The following SCN3A variants were observed in gnomAD, a reference collection of about 807,000 sequenced individuals.
The protein encoded by SCN3A is sodium voltage-gated channel alpha subunit 3.
SCN3A carries 60 observed loss-of-function variants against 187.6 expected under a neutral mutation model. The observed-to-expected ratio is 0.32, with a 90% CI of 0.26 to 0.40. The LOEUF is 0.40. Among genes scored for constraint, SCN3A ranks in the 10% least tolerant of loss-of-function variants. The pLI, the probability that SCN3A is intolerant of heterozygous loss-of-function variation, is 1.00. For missense variants in SCN3A, 1,601 were observed against 2,428.2 expected, an observed-to-expected ratio of 0.66 and a Z score of 7.16; for synonymous variants, 788 against 829.2, an observed-to-expected ratio of 0.95 and a Z score of 0.85.
rs1480672648 is a variant in SCN3A at position 165,097,165 on chromosome 2, TA to T, written c.4239+86del. 3.4e-6 allele frequency: 5 copies of T among 1,478,398 alleles called. No homozygotes were observed. In the African/African-American group the frequency reaches 7.0e-5, roughly 21 times the overall value. 91.6% of individuals were successfully genotyped at this position (1,478,398 alleles called of 1,614,324 possible). A position where few individuals can be genotyped will look rare whatever the true frequency, so the allele number is the denominator to read the frequency against. On this transcript the variant is annotated intron_variant, in intron 23 of 27. Coordinates refer to ENST00000283254, the MANE Select transcript of SCN3A (RefSeq NM_006922.4). Reference sequence around the variant, plus strand: ...AACTTTTTTTCATGCTGTCAAATGTTAGTCATTCAAACGAAGAACATCAGGG... The same window carrying T: ...AACTTTTTTTCATGCTGTCAAATGTTGTCATTCAAACGAAGAACATCAGGG...
intron 1 of SCN3A, among the ~76,000 whole-genome samples, chr2:165,202,347 G>A (rs1574372075): frequency 6.6e-6 from 1 of 152,050 alleles, no homozygotes; most frequent in African/African-American, 2.4e-5. Context: ...ATTCATAAAT[G>A]TAAACCAGTT....
rs143680671 is a variant in SCN3A, at chr2:165,164,936, A to G, written c.474-416T>C. 4.3e-3 allele frequency among the ~76,000 whole-genome samples: 656 copies of G among 152,262 alleles called. 1 individual carries two copies. The highest frequency in any genetic ancestry group is 8.9e-3 in the Admixed American group (136 of 15,282). ...TATACTGCATTTTATTTAAACCAAT[A>G]TATCTAAAATATGAAAATTCAACAA... On this transcript the variant is annotated intron_variant, in intron 5 of 27. Transcript: ENST00000283254.
intron 15 of SCN3A, among the ~76,000 whole-genome samples, chr2:165,137,354 A>G (rs769170899): frequency 1.3e-5 from 2 of 152,198 alleles, no homozygotes; most frequent in Non-Finnish European, 2.9e-5. Flanking sequence ...ACACAGATGA[A>G]TGCTCAGTAA....
chr2:165,168,619 A>G, intron 5 of SCN3A, 117 bp downstream of exon 5: 1 of 786,312 alleles, frequency 1.3e-6, no homozygotes, highest in Non-Finnish European at 2.3e-6. Flanking sequence ...CTTTCATATT[A>G]TGAAAATAAC....
Position 165,140,084 on chromosome 2 carries a change from C to T in SCN3A, c.2020-476G>A, listed in dbSNP as rs1461871406. ...TATGTGGGCCAATTTTTTCCATGCA[C>T]AAACACAGATGTACGATGAAATGTG... On this transcript the variant is annotated intron_variant, in intron 13 of 27. Coordinates refer to ENST00000283254, the MANE Select transcript of SCN3A (RefSeq NM_006922.4). This position sits in a 1 kb window ranked among gnomAD's most constrained non-coding sequence, Gnocchi z 4.2. Among the ~76,000 whole-genome samples, 1 of 152,060 alleles carries T rather than the reference C, an allele frequency of 6.6e-6. No individual in the cohort carries two copies. Among genetic ancestry groups the T allele is most frequent in the East Asian group, 1.9e-4 (1 of 5,192 alleles).
chr2:165,094,272 A>T lies in SCN3A; in HGVS notation c.4536+102T>A. ...ATATGAACTTTATAATTAGGGCTCA[A>T]TATTGGTGATATCACCTAATATGTT... is the stretch of plus-strand genomic sequence containing the variant. On this transcript the variant is annotated intron_variant, in intron 26 of 27. Transcript: ENST00000283254. 3.5e-6 allele frequency: 3 copies of T among 862,392 alleles called. No homozygotes were observed. In the South Asian group the frequency reaches 4.0e-5, roughly 12 times the overall value. The allele number at this position is 862,392 out of a possible 1,614,324, so 53.4% of individuals were successfully genotyped here.
rs1485299077 is a variant in SCN3A, at chr2:165,130,050, G to A, written c.2812C>T (p.Arg938Cys). 2 of 1,613,940 alleles carry A rather than the reference G, an allele frequency of 1.2e-6. No homozygotes were observed. Among genetic ancestry groups the A allele is most frequent in the African/African-American group, 1.3e-5 (1 of 74,870 alleles). Residue 938 changes from arginine to cysteine, a missense_variant, in exon 17 of 28, where the codon CGC becomes TGC. By Grantham distance (180) the Arg-to-Cys change is radical (BLOSUM62 -3). This residue lies in a region of SCN3A where 91 missense variants were observed against 207.0 expected (regional missense o/e 0.44). Transcript: ENST00000283254. ...TCTATCCACTCTCCACACAGCACGC[G>A]GAACACAATCAGGAAGGAGTGGAAG... ...DFFHSFLIVF[R>C]VLCGEWIETM...
At chr2:165,142,788 T>C (rs1185716812) in intron 12 of SCN3A, among the ~76,000 whole-genome samples, 1 of 151,758 alleles carries the variant, frequency 6.6e-6, no homozygotes, top group East Asian at 1.9e-4. Flanking sequence ...TTTCGCTCTG[T>C]CGCCCAGGCT....
chr2:165,107,361 G>A (rs1363945007), intron 21 of SCN3A, among the ~76,000 whole-genome samples: 1 of 151,944 alleles, frequency 6.6e-6, no homozygotes, highest in African/African-American at 2.4e-5. Context: ...CCAAGAAATG[G>A]ACAAAATGAA....
intron 1 of SCN3A, among the ~76,000 whole-genome samples, chr2:165,193,230 T>G (rs1691724057): frequency 6.6e-6 from 1 of 152,104 alleles, no homozygotes; most frequent in South Asian, 2.1e-4. Flanking sequence ...TTCTGAGATG[T>G]TCTACATGGG....
intron 6 of SCN3A, 89 bp downstream of exon 6, chr2:165,164,303 C>G: frequency 6.5e-7 from 1 of 1,537,276 alleles, no homozygotes; most frequent in Non-Finnish European, 9.0e-7. Context: ...AACAAGAAAG[C>G]TCTACATTTA....
intron 11 of SCN3A, among the ~76,000 whole-genome samples, chr2:165,151,690 G>T (rs985245473): frequency 6.6e-6 from 1 of 152,122 alleles, no homozygotes; most frequent in African/African-American, 2.4e-5. Flanking sequence ...AAATCAGGGT[G>T]GTTGTATAGT....
intron 1 of SCN3A, among the ~76,000 whole-genome samples, chr2:165,196,657 T>C (rs955147865): frequency 6.6e-6 from 1 of 152,142 alleles, no homozygotes; most frequent in African/African-American, 2.4e-5. Context: ...AGAAATGCAA[T>C]TAATTATTAA....
At chr2:165,120,417 T>C (rs1321670228) in intron 18 of SCN3A, among the ~76,000 whole-genome samples, 3 of 151,862 alleles carry the variant, frequency 2.0e-5, no homozygotes, top group African/African-American at 7.3e-5. Context: ...AATTAAATAA[T>C]GAAATTTAAC....
intron 10 of SCN3A, 149 bp from the exon 11 acceptor site, chr2:165,154,807 C>T (rs182617061): frequency 3.0e-4 from 219 of 721,824 alleles, no homozygotes; most frequent in East Asian, 2.1e-3. Flanking sequence ...TTGATATGCT[C>T]AACACACAAA....
intron 22 of SCN3A, 154 bp from the exon 23 acceptor site, chr2:165,097,678 T>C: frequency 1.0e-5 from 10 of 958,268 alleles, no homozygotes; most frequent in Non-Finnish European, 1.6e-5. Flanking sequence ...AGCACATATT[T>C]GAAGGAAAAC....
chr2:165,182,346 G>A (rs907925358), intron 2 of SCN3A, among the ~76,000 whole-genome samples: 1 of 152,312 alleles, frequency 6.6e-6, no homozygotes, highest in Non-Finnish European at 1.5e-5. Context: ...ACTCTGCTGT[G>A]TTCCTGAAGC....
chr2:165,194,855 A>T (rs1691846114), intron 1 of SCN3A: 1 of 151,948 alleles, frequency 6.6e-6, no homozygotes, highest in Non-Finnish European at 1.5e-5. Flanking sequence ...CTTTCCTGGG[A>T]TCTGAATTCA....
chr2:165,165,652 A>G (rs1689710243), intron 5 of SCN3A, among the ~76,000 whole-genome samples: 1 of 152,132 alleles, frequency 6.6e-6, no homozygotes, highest in Non-Finnish European at 1.5e-5. Context: ...TATTTTTCAG[A>G]GCACTTCACC....
Sources: allele counts gnomAD v4.1 joint callset (sites outside exome capture counted in the v4.1 genomes callset), GRCh38; gene constraint gnomAD v4.1.1; regional missense constraint gnomAD v4.1.1; non-coding constraint Gnocchi (gnomAD v3.1); transcripts MANE v1.5; gene names NCBI Gene and HGNC (gene_info 2026-07-23, HGNC 2026-07-21).